The following ADAMTS16 variants were observed in gnomAD, a reference collection of about 807,000 sequenced individuals.
ADAMTS16 encodes the protein ADAM metallopeptidase with thrombospondin type 1 motif 16, also known as A disintegrin and metalloproteinase with thrombospondin motifs 16.
ADAMTS16 carries 94 observed loss-of-function variants against 145.8 expected under a neutral mutation model. That is an observed-to-expected ratio of 0.64 (90% CI 0.55 to 0.77). ADAMTS16 has a LOEUF of 0.77. ADAMTS16 is among the 30% of genes least tolerant of loss of function. ADAMTS16 has a pLI of 0.00. For synonymous variants in ADAMTS16, 659 were observed against 604.3 expected (o/e 1.09, Z -1.33); for missense variants, 1,585 against 1,591.5 (o/e 1.00, Z 0.07).
rs916482953 is a variant in ADAMTS16, at chr5:5,269,745, C to T, written c.2789+6962C>T. Among the ~76,000 whole-genome samples the T allele has an allele frequency of 8.5e-5, 13 of 152,286 alleles. No individual in the cohort carries two copies. The East Asian group carries it at 1.4e-3, about 16-fold the overall frequency. ...GGTCTCCTCTGCCTCCACCTCTCTA[C>T]GCTTGGTCTTTCTGGTATTGAGAGA... On this transcript the variant is annotated intron_variant, in intron 18 of 22. Transcript: ENST00000274181. This position sits in a 1 kb window ranked among gnomAD's most constrained non-coding sequence, Gnocchi z 4.3.
intron 18 of ADAMTS16, among the ~76,000 whole-genome samples, chr5:5,290,912 G>A (rs1227017269): frequency 3.3e-5 from 5 of 151,976 alleles, no homozygotes; most frequent in Non-Finnish European, 5.9e-5. Flanking sequence ...ACACCTGTGC[G>A]GGCTCTTCGG....
At chr5:5,282,567 C>T (rs1366114937) in intron 18 of ADAMTS16, among the ~76,000 whole-genome samples, 9 of 152,228 alleles carry the variant, frequency 5.9e-5, no homozygotes, top group Non-Finnish European at 1.2e-4. Flanking sequence ...TTCTCCTCCC[C>T]ACTGTTTCAT....
chr5:5,299,026 C>A (rs771020031), intron 18 of ADAMTS16, among the ~76,000 whole-genome samples: 1 of 151,962 alleles, frequency 6.6e-6, no homozygotes, highest in Non-Finnish European at 1.5e-5. Context: ...CGTCTCACGG[C>A]ATCCAGCACC....
chr5:5,240,077 T>G (rs553019009), intron 16 of ADAMTS16, 152 bp downstream of exon 16: 1 of 1,280,670 alleles, frequency 7.8e-7, no homozygotes, highest in East Asian at 2.4e-5. Flanking sequence ...GCAGGCTTGT[T>G]TTTATCATCA....
chr5:5,209,237 C>A lies in ADAMTS16; in HGVS notation c.1596C>A (p.Asp532Glu). The change falls in exon 10 of 23, where the codon GAC becomes GAA. Residue 532 changes from aspartate to glutamate, a missense_variant. Coordinates refer to ENST00000274181, the MANE Select transcript of ADAMTS16 (RefSeq NM_139056.4). Reference protein sequence around the residue: ...FGEKAKLCMLDFKKDICKALW... With the variant: ...FGEKAKLCMLEFKKDICKALW... ...AGAAAGCCAAGCTCTGCATGCTGGA[C>A]TTTAAAAAGGCAAGTGATTATTGGC... The A allele has an allele frequency of 6.2e-7, 1 of 1,613,548 alleles. No homozygotes were observed. Among genetic ancestry groups the A allele is most frequent in the African/African-American group, 1.3e-5 (1 of 75,024 alleles).
intron 8 of ADAMTS16, among the ~76,000 whole-genome samples, chr5:5,197,330 A>G (rs1346074331): frequency 6.6e-6 from 1 of 152,238 alleles, no homozygotes. Context: ...TAAAAGCATG[A>G]CATTGAAATA....
chr5:5,262,890 A>T, intron 18 of ADAMTS16, 107 bp downstream of exon 18: 1 of 1,502,332 alleles, frequency 6.7e-7, no homozygotes, highest in Non-Finnish European at 9.0e-7. Flanking sequence ...CCATCATGTC[A>T]CTCATAACAG....
intron 18 of ADAMTS16, among the ~76,000 whole-genome samples, chr5:5,268,770 T>A (rs897297080): frequency 2.0e-5 from 3 of 152,212 alleles, no homozygotes; most frequent in African/African-American, 7.2e-5. Context: ...AGGCAGCTGC[T>A]CCTTCCTCTT....
intron 7 of ADAMTS16, among the ~76,000 whole-genome samples, chr5:5,190,524 TTC>T (rs748074006): frequency 1.3e-5 from 2 of 152,112 alleles, no homozygotes; most frequent in African/African-American, 4.8e-5. Context: ...GTTTTTTCCC[TTC>T]TCTCTCTGTA....
Position 5,316,661 on chromosome 5 carries a change from C to T in ADAMTS16, c.3412-1473C>T, listed in dbSNP as rs144580943. ...CCTCTCTCTCCCTGTGCTGTTGATA[C>T]TCCAAGTATTGGGGGAGCCTCAATA... On this transcript the variant is annotated intron_variant, in intron 21 of 22. Coordinates refer to ENST00000274181, the MANE Select transcript of ADAMTS16 (RefSeq NM_139056.4). Among the ~76,000 whole-genome samples the T allele has an allele frequency of 3.9e-4, 59 of 152,288 alleles. No homozygotes were observed. The East Asian group carries it at 8.1e-3, about 21-fold the overall frequency.
At chr5:5,219,365 C>T (rs540322854) in intron 10 of ADAMTS16, among the ~76,000 whole-genome samples, 1 of 152,248 alleles carries the variant, frequency 6.6e-6, no homozygotes, top group East Asian at 1.9e-4. Context: ...ACCCATTAAC[C>T]AACTCCTCTT....
chr5:5,320,109 C>T lies in ADAMTS16; in HGVS notation c.*971C>T, dbSNP rs1734227263. ...ATCTTTTTTTTTTCGGTGAGTCTGG[C>T]CATTTCTATAATGCCAGGTGGGAAG... On this transcript the variant is annotated 3_prime_UTR_variant, in exon 23 of 23. Transcript: ENST00000274181. This position sits in a 1 kb window ranked among gnomAD's most constrained non-coding sequence, Gnocchi z 5.1. 3.0e-6 allele frequency: 1 copy of T among 331,910 alleles called. No homozygotes were observed. Among genetic ancestry groups the T allele is most frequent in the Non-Finnish European group, 5.7e-6 (1 of 176,780 alleles). The allele number at this position is 331,910 out of a possible 1,614,324, so 20.6% of individuals were successfully genotyped here.
intron 17 of ADAMTS16, among the ~76,000 whole-genome samples, chr5:5,249,124 A>G (rs930999491): frequency 2.6e-5 from 4 of 152,194 alleles, no homozygotes; most frequent in Non-Finnish European, 5.9e-5. Context: ...GCCTAGGACC[A>G]GGAGTGCTGA....
intron 17 of ADAMTS16, among the ~76,000 whole-genome samples, chr5:5,246,288 G>A (rs1287116516): frequency 1.3e-5 from 2 of 152,104 alleles, no homozygotes; most frequent in African/African-American, 2.4e-5. Flanking sequence ...GGGATGATGT[G>A]TTTTTATTCA....
intron 17 of ADAMTS16, among the ~76,000 whole-genome samples, chr5:5,245,323 T>G (rs928596775): frequency 6.6e-6 from 1 of 152,176 alleles, no homozygotes; most frequent in Non-Finnish European, 1.5e-5. Context: ...AAAATGAATC[T>G]CATTCTCAGT....
intron 7 of ADAMTS16, 151 bp downstream of exon 7, chr5:5,190,281 T>C: frequency 1.3e-6 from 1 of 753,322 alleles, no homozygotes; most frequent in Non-Finnish European, 2.0e-6. Flanking sequence ...TGTATAAACT[T>C]TAGCCAAACA....
chr5:5,205,780 T>G (rs1266441416), intron 9 of ADAMTS16, among the ~76,000 whole-genome samples: 1 of 152,236 alleles, frequency 6.6e-6, no homozygotes, highest in Non-Finnish European at 1.5e-5. Context: ...TTTTTGTTAT[T>G]CTTGTTGTTA....
chr5:5,148,828 G>A (rs1157407322), intron 3 of ADAMTS16, among the ~76,000 whole-genome samples: 3 of 152,120 alleles, frequency 2.0e-5, no homozygotes, highest in Non-Finnish European at 4.4e-5. Context: ...GAGAGAGGCA[G>A]GACACAGGCA....
At chr5:5,300,832 C>T (rs1739737774) in intron 18 of ADAMTS16, among the ~76,000 whole-genome samples, 1 of 152,150 alleles carries the variant, frequency 6.6e-6, no homozygotes. Context: ...AGGCACTCAT[C>T]ATTTTGTTCA....
Sources: gnomAD v4.1 joint callset for allele counts (sites outside exome capture counted in the v4.1 genomes callset) on GRCh38, gnomAD v4.1.1 for gene constraint, Gnocchi (gnomAD v3.1) non-coding constraint, MANE v1.5 for transcripts, NCBI Gene and HGNC (gene_info 2026-07-23, HGNC 2026-07-21) for gene names.